Variants in TRIM49B observed in about 807,000 individuals in gnomAD.
TRIM49B encodes the protein tripartite motif containing 49B.
A neutral mutation model predicts 31.8 loss-of-function variants in TRIM49B; 18 were observed. The ratio of observed to expected loss-of-function variants is 0.57; its 90% confidence interval spans 0.39 to 0.84. The LOEUF is 0.84. TRIM49B is among the 40% of genes least tolerant of loss of function. TRIM49B has a pLI of 0.00. For synonymous variants in TRIM49B, 196 were observed against 180.6 expected, an observed-to-expected ratio of 1.09 and a Z score of -0.68; for missense variants, 494 against 538.7, an observed-to-expected ratio of 0.92 and a Z score of 0.82.
intron 3 of TRIM49B, 147 bp downstream of exon 3, chr11:49,032,518 A>G (rs1205448583): frequency 2.7e-6 from 4 of 1,467,924 alleles, no homozygotes; most frequent in Non-Finnish European, 3.6e-6. Flanking sequence ...CATTGAGAAA[A>G]AGTGGCCTCA....
At position 49,031,712 on chromosome 11, in the gene TRIM49B, G is replaced by C. The variant is rs1294138430; in HGVS notation, c.113G>C (p.Cys38Ser). 7 of 1,613,820 alleles carry C rather than the reference G, an allele frequency of 4.3e-6. No homozygotes were observed. The highest frequency in any genetic ancestry group is 5.1e-6 in the Non-Finnish European group (6 of 1,179,876). ...TGTGGGCACAGCTTTTGCAGGCCTT[G>C]TTTCTACCTCAACTGGAAAGACAGC... ...IDCGHSFCRP[C>S]FYLNWKDSPF... Residue 38 changes from cysteine (C) to serine (S), a missense_variant, in exon 2 of 7, where the codon TGT becomes TCT. Physicochemically the swap from Cys to Ser is moderately radical, Grantham distance 112. Transcript: ENST00000332682.
In TRIM49B at chr11:49,035,330, T is replaced by C. The variant is rs553984033; in HGVS notation, c.761+213T>C. On this transcript the variant is annotated intron_variant, in intron 5 of 6. Transcript: ENST00000332682. ...GAAGAGTGAACTAAAACAAACAATT[T>C]GATTCCTGATTTTTTTTTTTTTTTT... 1.2e-3 allele frequency among the ~76,000 whole-genome samples: 179 copies of C among 145,218 alleles called. 1 individual carries two copies. Among genetic ancestry groups the C allele is most frequent in the African/African-American group, 4.4e-3 (170 of 38,826 alleles).
At chr11:49,034,422 A>T in intron 4 of TRIM49B, 46 bp downstream of exon 4, 1 of 1,611,874 alleles carries the variant, frequency 6.2e-7, no homozygotes, top group Middle Eastern at 2.3e-4. Context: ...ATTCACATGT[A>T]TAAGTATTTT....
intron 3 of TRIM49B, among the ~76,000 whole-genome samples, chr11:49,033,089 G>A (rs1854475038): frequency 6.6e-6 from 1 of 152,134 alleles, no homozygotes; most frequent in Non-Finnish European, 1.5e-5. Context: ...AGCATTTCAT[G>A]AGAACCTAGT....
At chr11:49,035,526 AT>A (rs1402858801) in intron 5 of TRIM49B, among the ~76,000 whole-genome samples, 2 of 151,230 alleles carry the variant, frequency 1.3e-5, no homozygotes, top group Non-Finnish European at 2.9e-5. Flanking sequence ...CACCCGGCTA[AT>A]TTTTTGTATT....
chr11:49,034,961 A>G (rs1197712945), intron 4 of TRIM49B, 134 bp from the exon 5 acceptor site: 5 of 1,473,356 alleles, frequency 3.4e-6, no homozygotes, highest in African/African-American at 2.9e-5. Flanking sequence ...GAAATGAAAT[A>G]GAAAATACTT....
chr11:49,031,873 A>C lies in TRIM49B; in HGVS notation c.274A>C (p.Met92Leu), dbSNP rs757575655. 41 of 1,613,496 alleles carry C rather than the reference A, an allele frequency of 2.5e-5. No homozygotes were observed. The highest frequency in any genetic ancestry group is 5.0e-5 in the Admixed American group (3 of 60,000). Residue 92 changes from methionine (M) to leucine (L), a missense_variant, in exon 2 of 7, where the codon ATG (methionine) becomes CTG (leucine). Physicochemically the swap from Met to Leu is conservative, Grantham distance 15 (BLOSUM62 2). Around this residue, in one of 3 missense-constraint regions of TRIM49B, gnomAD observed 251 missense variants for 232.8 expected, o/e 1.08. Transcript: ENST00000332682. ...GCTATTCCTGAGCTCTGAGGAGCAA[A>C]TGTGTGGCACTCACAGGGAGACAAA... ...LWLFLSSEEQ[M>L]CGTHRETKKM...
At chr11:49,029,141 G>T (rs1854416946) in intron 1 of TRIM49B, among the ~76,000 whole-genome samples, 166 bp downstream of exon 1, 1 of 145,390 alleles carries the variant, frequency 6.9e-6, no homozygotes, top group Admixed American at 6.7e-5. Flanking sequence ...GTTATTTTGT[G>T]CTTTCTATGA....
Position 49,037,998 on chromosome 11 carries a change from T to C in TRIM49B, c.*21T>C, listed in dbSNP as rs1243704510. ...TCTGACCAGAGACAAATCAGAAATGTGTTCACATGCTGTGGGAACCCCTTT... is the reference window on the plus strand; with the variant it reads ...TCTGACCAGAGACAAATCAGAAATGCGTTCACATGCTGTGGGAACCCCTTT... On this transcript the variant is annotated 3_prime_UTR_variant, in exon 7 of 7. Coordinates refer to ENST00000332682, the MANE Select transcript of TRIM49B (RefSeq NM_001206626.2). 3 of 1,599,122 alleles carry C rather than the reference T, an allele frequency of 1.9e-6. No homozygotes were observed. The highest frequency in any genetic ancestry group is 4.5e-5 in the East Asian group (2 of 44,860).
rs1854457348 is a variant in TRIM49B at position 49,031,984 on chromosome 11, A to G, written c.385A>G (p.Ile129Val). The change falls in exon 2 of 7, where the codon ATT (isoleucine) becomes GTT (valine). Residue 129 changes from isoleucine to valine, a missense_variant. Transcript: ENST00000332682. ...GCACCGGGATCACAGACACTGTCCCATTGAGTCGGCTGCTGAGGAACACCA... is the reference window on the plus strand; with the variant it reads ...GCACCGGGATCACAGACACTGTCCCGTTGAGTCGGCTGCTGAGGAACACCA... Reference protein sequence around the residue: ...QEHRDHRHCPIESAAEEHQEK... With the variant: ...QEHRDHRHCPVESAAEEHQEK... The G allele has an allele frequency of 5.0e-6, 8 of 1,611,910 alleles. No individual in the cohort carries two copies. The South Asian group carries it at 8.8e-5, about 18-fold the overall frequency.
intron 6 of TRIM49B, among the ~76,000 whole-genome samples, chr11:49,036,620 G>A (rs1322926460): frequency 6.6e-6 from 1 of 152,196 alleles, no homozygotes; most frequent in Non-Finnish European, 1.5e-5. Context: ...GGCATAATAT[G>A]TACTGAGTTA....
In TRIM49B at chr11:49,037,614, T is replaced by C; in HGVS notation, c.996T>C (p.Gly332=). The C allele has an allele frequency of 6.2e-7, 1 of 1,614,028 alleles. No homozygotes were observed. Among genetic ancestry groups the C allele is most frequent in the South Asian group, 1.1e-5 (1 of 91,078 alleles). ...CACCTAGAAGTTTTCTTGCATGGGG[T>C]GCTCAGACTTTCACCTCGGGCAAAT... ...TATPRSFLAW[G]AQTFTSGKYY... Residue 332 remains glycine, a synonymous_variant, in exon 7 of 7, where the codon GGT becomes GGC. Transcript: ENST00000332682.
rs1266598869 is a variant in TRIM49B, at chr11:49,034,207, A to C, written c.569A>C (p.His190Pro). The change falls in exon 4 of 7, where the codon CAC becomes CCC. Residue 190 changes from histidine (H) to proline (P), a missense_variant. Physicochemically the swap from His to Pro is moderately conservative, Grantham distance 77. This residue lies in a region of TRIM49B where 251 missense variants were observed against 232.8 expected (regional missense o/e 1.08). Transcript: ENST00000332682. Reference protein sequence around the residue: ...RAEYQKMPAFHHEEEKHNLEM... With the variant: ...RAEYQKMPAFPHEEEKHNLEM... ...GAGTATCAGAAGATGCCTGCATTTC[A>C]CCATGAAGAAGAAAAACATAATTTG... 6.2e-7 allele frequency: 1 copy of C among 1,612,004 alleles called. No homozygotes were observed. The highest frequency in any genetic ancestry group is 1.7e-5 in the Admixed American group (1 of 60,020).
intron 4 of TRIM49B, 42 bp downstream of exon 4, chr11:49,034,418 A>T (rs1248331352): frequency 1.2e-6 from 2 of 1,611,890 alleles, no homozygotes. Context: ...GAATATTCAC[A>T]TGTATAAGTA....
intron 1 of TRIM49B, among the ~76,000 whole-genome samples, chr11:49,029,935 A>G (rs924650357): frequency 5.9e-5 from 9 of 152,178 alleles, no homozygotes; most frequent in Non-Finnish European, 1.2e-4. Context: ...CATACTGTAC[A>G]GGTTTGTAGC....
chr11:49,035,155 G>A, intron 5 of TRIM49B, 38 bp downstream of exon 5: 1 of 1,591,254 alleles, frequency 6.3e-7, no homozygotes, highest in Non-Finnish European at 8.6e-7. Context: ...TGTTCTTTAA[G>A]ATTCCACGAC....
chr11:49,035,505 G>A (rs1446893706), intron 5 of TRIM49B, among the ~76,000 whole-genome samples: 3 of 151,440 alleles, frequency 2.0e-5, no homozygotes, highest in African/African-American at 4.9e-5. Context: ...GACTACAGGC[G>A]CCCGCCACCA....
intron 1 of TRIM49B, among the ~76,000 whole-genome samples, chr11:49,030,142 T>C (rs1387445705): frequency 2.0e-5 from 3 of 152,126 alleles, no homozygotes; most frequent in African/African-American, 7.2e-5. Flanking sequence ...AAGTGCAGCC[T>C]GGCCAAGATG....
At chr11:49,036,769 C>A (rs1854535263) in intron 6 of TRIM49B, among the ~76,000 whole-genome samples, 1 of 151,132 alleles carries the variant, frequency 6.6e-6, no homozygotes, top group African/African-American at 2.4e-5. Flanking sequence ...AAGAACTGTT[C>A]TTTGGGGGAA....
Sources: gnomAD v4.1 joint callset for allele counts (sites outside exome capture counted in the v4.1 genomes callset) on GRCh38, gnomAD v4.1.1 for gene constraint, gnomAD v4.1.1 regional missense constraint, MANE v1.5 for transcripts, NCBI Gene and HGNC (gene_info 2026-07-23, HGNC 2026-07-21) for gene names.